Variants in DPP10 observed in about 807,000 individuals in gnomAD.
DPP10 encodes the protein dipeptidyl peptidase like 10.
In DPP10, 33 loss-of-function variants were observed where a neutral mutation model predicts 120.9. The observed-to-expected ratio is 0.27, with a 90% CI of 0.21 to 0.37. DPP10 has a LOEUF of 0.37. Ranked by LOEUF, DPP10 falls within the 10% of genes least tolerant of loss-of-function variation. The probability of loss-of-function intolerance (pLI) is 1.00; values close to 1 mark genes in which losing one functional copy is unlikely to be tolerated. For synonymous variants in DPP10, 337 were observed against 326.1 expected (o/e 1.03, Z -0.36); for missense variants, 816 against 942.8 (o/e 0.87, Z 1.76).
intron 1 of DPP10, among the ~76,000 whole-genome samples, chr2:114,556,531 CA>C (rs1237647343): frequency 2.0e-5 from 3 of 151,856 alleles, no homozygotes; most frequent in African/African-American, 7.3e-5. Context: ...GAGCCTTTTA[CA>C]GTTTGACTTT....
intron 1 of DPP10, among the ~76,000 whole-genome samples, chr2:115,011,451 A>G (rs900316712): frequency 6.6e-6 from 1 of 151,972 alleles, no homozygotes; most frequent in Non-Finnish European, 1.5e-5. Flanking sequence ...ATTTTTCTTA[A>G]TTTTTAGGCA....
intron 1 of DPP10, among the ~76,000 whole-genome samples, chr2:114,790,089 G>T (rs940886755): frequency 6.6e-6 from 1 of 152,194 alleles, no homozygotes; most frequent in Admixed American, 6.5e-5. Flanking sequence ...GTGCTAATAA[G>T]TGTGAGGTAT....
chr2:114,930,766 A>T (rs1323597961), intron 1 of DPP10, among the ~76,000 whole-genome samples: 2 of 151,834 alleles, frequency 1.3e-5, no homozygotes, highest in Non-Finnish European at 2.9e-5. Context: ...CTTCAATCAC[A>T]GTGGAAGATG....
intron 1 of DPP10, among the ~76,000 whole-genome samples, chr2:114,852,052 A>G (rs1040000203): frequency 6.8e-6 from 1 of 147,934 alleles, no homozygotes. Flanking sequence ...AATACAACTC[A>G]CCTTTGCAGC....
At chr2:114,675,485 T>A (rs1022189079) in intron 1 of DPP10, among the ~76,000 whole-genome samples, 2 of 152,146 alleles carry the variant, frequency 1.3e-5, no homozygotes, top group Non-Finnish European at 2.9e-5. Context: ...AAAAAGGCCA[T>A]CTATGTGCTC....
intron 1 of DPP10, among the ~76,000 whole-genome samples, chr2:114,522,393 A>G (rs1335963612): frequency 3.3e-5 from 5 of 152,172 alleles, no homozygotes; most frequent in Admixed American, 3.3e-4. Context: ...AACAAACAAA[A>G]AAACCAGCTG....
chr2:114,521,474 G>A (rs1277051547), intron 1 of DPP10, among the ~76,000 whole-genome samples: 1 of 151,876 alleles, frequency 6.6e-6, no homozygotes, highest in Non-Finnish European at 1.5e-5. Context: ...ATTAGAAAGC[G>A]ATTAGATACA....
At chr2:114,643,498 C>T (rs757815578) in intron 1 of DPP10, among the ~76,000 whole-genome samples, 5 of 151,856 alleles carry the variant, frequency 3.3e-5, no homozygotes, top group Non-Finnish European at 5.9e-5. Flanking sequence ...GGGTTTAACC[C>T]ATGTGAGCTC....
At chr2:114,635,274 T>G (rs930762343) in intron 1 of DPP10, among the ~76,000 whole-genome samples, 1 of 151,910 alleles carries the variant, frequency 6.6e-6, no homozygotes, top group African/African-American at 2.4e-5. Context: ...ATGGTCTAAT[T>G]AAGACACCCA....
chr2:114,467,395 T>C (rs1031839955), intron 1 of DPP10, among the ~76,000 whole-genome samples: 6 of 152,200 alleles, frequency 3.9e-5, no homozygotes, highest in Non-Finnish European at 5.9e-5. Flanking sequence ...GTGCACATTT[T>C]TTAAGATTTT....
Position 115,646,797 on chromosome 2 carries a change from A to G in DPP10, c.442-42890A>G, listed in dbSNP as rs142310639. Among the ~76,000 whole-genome samples the G allele has an allele frequency of 3.9e-5, 6 of 152,218 alleles. No homozygotes were observed. In the East Asian group the frequency reaches 1.2e-3, roughly 29 times the overall value. On this transcript the variant is annotated intron_variant, in intron 5 of 25. Transcript: ENST00000410059. ...AAATTGATGATTTTGATGATTCTGAATTGTACCACTATTAAGTTCCTGCTA... is the reference window on the plus strand; with the variant it reads ...AAATTGATGATTTTGATGATTCTGAGTTGTACCACTATTAAGTTCCTGCTA...
At chr2:115,493,421 A>G (rs761899449) in intron 3 of DPP10, among the ~76,000 whole-genome samples, 1 of 152,088 alleles carries the variant, frequency 6.6e-6, no homozygotes, top group Non-Finnish European at 1.5e-5. Flanking sequence ...TTAGAAATAT[A>G]GAACTGGCCT....
chr2:114,580,099 A>G (rs930135966), intron 1 of DPP10, among the ~76,000 whole-genome samples: 1 of 152,180 alleles, frequency 6.6e-6, no homozygotes, highest in African/African-American at 2.4e-5. Context: ...ACAAAGGAGG[A>G]GATTAAAACA....
chr2:114,801,212 G>T (rs1201384112), intron 1 of DPP10, among the ~76,000 whole-genome samples: 1 of 146,860 alleles, frequency 6.8e-6, no homozygotes, highest in African/African-American at 2.5e-5. Context: ...GCGGTGAGCC[G>T]AGATTGTGCC....
intron 1 of DPP10, among the ~76,000 whole-genome samples, chr2:114,882,602 G>A (rs1039128562): frequency 6.6e-6 from 1 of 151,970 alleles, no homozygotes; most frequent in Admixed American, 6.6e-5. Flanking sequence ...CAGGGGACAG[G>A]TGCACCTAAA....
At chr2:115,060,630 G>A (rs1003283786) in intron 1 of DPP10, among the ~76,000 whole-genome samples, 2 of 152,054 alleles carry the variant, frequency 1.3e-5, no homozygotes, top group African/African-American at 2.4e-5. Flanking sequence ...TTAAATGAAC[G>A]TTATGTCAAC....
At chr2:114,697,641 T>A (rs1700143178) in intron 1 of DPP10, among the ~76,000 whole-genome samples, 1 of 151,730 alleles carries the variant, frequency 6.6e-6, no homozygotes, top group South Asian at 2.1e-4. Flanking sequence ...TCCCAGCTAC[T>A]TGAGAGGCTA....
At chr2:115,739,923 C>T in intron 9 of DPP10, 30 bp downstream of exon 9, 1 of 1,608,174 alleles carries the variant, frequency 6.2e-7, no homozygotes, top group East Asian at 2.2e-5. Context: ...TATTTTGTTC[C>T]TTCTCTCTCT....
chr2:115,027,543 A>G (rs1234573230), intron 1 of DPP10, among the ~76,000 whole-genome samples: 5 of 152,070 alleles, frequency 3.3e-5, no homozygotes, highest in African/African-American at 9.7e-5. Context: ...CTATTATTTC[A>G]TTGAGGATTT....
Sources: allele counts gnomAD v4.1 joint callset (sites outside exome capture counted in the v4.1 genomes callset), GRCh38; gene constraint gnomAD v4.1.1; transcripts MANE v1.5; gene names NCBI Gene and HGNC (gene_info 2026-07-23, HGNC 2026-07-21).